Variants in DHX40 observed in about 807,000 individuals in gnomAD.
DHX40 encodes DEAH-box helicase 40.
Under a neutral mutation model 89.6 loss-of-function variants are expected in DHX40, and 28 were observed. The ratio of observed to expected loss-of-function variants is 0.31; its 90% CI spans 0.23 to 0.43. The LOEUF (loss-of-function observed/expected upper bound fraction) is 0.43, where lower values mean the gene tolerates loss of function less well. Ranked by LOEUF, DHX40 falls within the 20% of genes least tolerant of loss-of-function variation. The pLI is 1.00. For missense variants in DHX40, 457 were observed against 844.0 expected (o/e 0.54, Z 5.68); for synonymous variants, 226 against 283.6 (o/e 0.80, Z 2.04).
intron 14 of DHX40, among the ~76,000 whole-genome samples, chr17:59,600,368 T>C (rs1165401737): frequency 6.6e-6 from 1 of 152,146 alleles, no homozygotes; most frequent in Non-Finnish European, 1.5e-5. Context: ...TGCTTAACTT[T>C]GCAGTTTTTA....
intron 12 of DHX40, among the ~76,000 whole-genome samples, chr17:59,590,529 G>A (rs778641226): frequency 4.6e-5 from 7 of 151,314 alleles, no homozygotes; most frequent in Non-Finnish European, 8.8e-5. Context: ...ATGCAGTGGC[G>A]TGATCTTGGC....
At chr17:59,598,949 A>G (rs1413404633) in intron 13 of DHX40, 98 bp downstream of exon 13, 2 of 636,154 alleles carry the variant, frequency 3.1e-6, no homozygotes, top group East Asian at 2.8e-5. Flanking sequence ...TTCAGTGAAG[A>G]TGATATTGAC....
At chr17:59,590,461 A>AT in intron 12 of DHX40, among the ~76,000 whole-genome samples, 1 of 150,260 alleles carries the variant, frequency 6.7e-6, no homozygotes, top group South Asian at 2.1e-4. Context: ...TTTTTTTTTA[A>AT]TTTAAAAAAT....
Position 59,607,071 on chromosome 17 carries a change from AGAAAT to A in DHX40, c.2242_2246del (p.Asn748Ter). The A allele has an allele frequency of 6.2e-7, 1 of 1,614,152 alleles. No homozygotes were observed. The highest frequency in any genetic ancestry group is 1.1e-5 in the South Asian group (1 of 91,064). On this transcript the variant is annotated frameshift_variant, in exon 18 of 18. Transcript: ENST00000251241. LOFTEE classifies it high-confidence loss of function. Reference sequence around the variant, plus strand: ...AGACGTCTTAAAGAAAATGCAAAGAAGAAATGATGACAAATCCATATCTGATGCAC... The same window carrying A: ...AGACGTCTTAAAGAAAATGCAAAGAAGATGACAAATCCATATCTGATGCAC...
At chr17:59,602,483 A>T (rs376075330) in intron 14 of DHX40, 39 bp from the exon 15 acceptor site, 1 of 1,488,414 alleles carries the variant, frequency 6.7e-7, no homozygotes, top group South Asian at 1.2e-5. Flanking sequence ...TTCAAATTGT[A>T]CTATGAGATT....
intron 12 of DHX40, among the ~76,000 whole-genome samples, chr17:59,591,704 T>A (rs1387159467): frequency 6.6e-6 from 1 of 151,704 alleles, no homozygotes; most frequent in African/African-American, 2.4e-5. Flanking sequence ...TATTACTCTG[T>A]CTCCCTCTAT....
At chr17:59,581,026 G>A (rs1352468204) in intron 10 of DHX40, among the ~76,000 whole-genome samples, 4 of 150,336 alleles carry the variant, frequency 2.7e-5, no homozygotes, top group African/African-American at 7.5e-5. Context: ...AGACTGCAAC[G>A]TGCCAAGATC....
At chr17:59,592,530 T>A (rs1295417311) in intron 12 of DHX40, among the ~76,000 whole-genome samples, 2 of 150,446 alleles carry the variant, frequency 1.3e-5, no homozygotes, top group Admixed American at 1.3e-4. Flanking sequence ...AACACTTTTC[T>A]TATTTTTTTC....
chr17:59,572,713 A>G (rs1371384096), intron 3 of DHX40, among the ~76,000 whole-genome samples: 2 of 152,134 alleles, frequency 1.3e-5, no homozygotes, highest in African/African-American at 2.4e-5. Context: ...AAGAGGAGAG[A>G]GTGGGTGGAA....
rs1384985632 is a variant in DHX40, at chr17:59,592,145, AC to A, written c.1582+4093del. Among the ~76,000 whole-genome samples the A allele has an allele frequency of 6.6e-5, 10 of 151,804 alleles. No individual in the cohort carries two copies. In the South Asian group the frequency reaches 2.1e-3, roughly 32 times the overall value. On this transcript the variant is annotated intron_variant, in intron 12 of 17. Coordinates refer to ENST00000251241, the MANE Select transcript of DHX40 (RefSeq NM_024612.5). Reference sequence around the variant, plus strand: ...TTTGGTCTCCCAAAGTGCTGGGTTTACAGGTGTAAGCCACTATGCCCGGCCT... The same window carrying A: ...TTTGGTCTCCCAAAGTGCTGGGTTTAAGGTGTAAGCCACTATGCCCGGCCT...
intron 11 of DHX40, among the ~76,000 whole-genome samples, 156 bp downstream of exon 11, chr17:59,586,389 G>T (rs911811764): frequency 6.6e-6 from 1 of 152,014 alleles, no homozygotes; most frequent in East Asian, 1.9e-4. Flanking sequence ...CCAGCCGGGC[G>T]CTGTGGCTCA....
chr17:59,606,926 G>T lies in DHX40; in HGVS notation c.2201-107G>T, dbSNP rs974439692. 6.3e-4 allele frequency: 694 copies of T among 1,102,702 alleles called. 7 individuals are homozygous for T. The highest frequency in any genetic ancestry group is 2.3e-4 in the Middle Eastern group (1 of 4,260). 68.3% of individuals were successfully genotyped at this position (1,102,702 alleles called of 1,614,324 possible). On this transcript the variant is annotated intron_variant, in intron 17 of 17. Coordinates refer to ENST00000251241, the MANE Select transcript of DHX40 (RefSeq NM_024612.5). ...GCAAAATTTAATTTTTCTCTTTATT[G>T]TTTTTACTTTGTTAACACTGAAAAA... is the stretch of plus-strand genomic sequence containing the variant.
At chr17:59,590,711 C>A (rs1340161022) in intron 12 of DHX40, among the ~76,000 whole-genome samples, 3 of 151,738 alleles carry the variant, frequency 2.0e-5, no homozygotes, top group African/African-American at 4.8e-5. Flanking sequence ...CTCAAGTGAC[C>A]CACCAGCCTT....
intron 12 of DHX40, among the ~76,000 whole-genome samples, chr17:59,597,056 CAG>C (rs1365167168): frequency 1.6e-5 from 2 of 128,190 alleles, no homozygotes; most frequent in Non-Finnish European, 3.3e-5. Flanking sequence ...TTTGGGCAAT[CAG>C]AGAGCACATG....
At position 59,600,710 on chromosome 17, in the gene DHX40, G is replaced by A. The variant is rs537658041; in HGVS notation, c.1806+1227G>A. On this transcript the variant is annotated intron_variant, in intron 14 of 17. Coordinates refer to ENST00000251241, the MANE Select transcript of DHX40 (RefSeq NM_024612.5). ...AAAATTAAAATAATTAGCTTGTTGT[G>A]TTGGCACACACCTGTAGTGCTAGCT... 2.0e-5 allele frequency among the ~76,000 whole-genome samples: 3 copies of A among 152,112 alleles called. No individual in the cohort carries two copies. The Middle Eastern group carries it at 0.01, about 517-fold the overall frequency.
chr17:59,585,648 G>T (rs1326092776), intron 10 of DHX40, among the ~76,000 whole-genome samples: 1 of 150,176 alleles, frequency 6.7e-6, no homozygotes, highest in East Asian at 2.0e-4. Context: ...GCTTGAACCT[G>T]GGAGATGGAG....
At position 59,586,244 on chromosome 17, in the gene DHX40, A is replaced by G. The variant is rs1407399362; in HGVS notation, c.1424+11A>G. The G allele has an allele frequency of 5.2e-6, 8 of 1,529,748 alleles. 1 individual carries two copies. The highest frequency in any genetic ancestry group is 4.2e-5 in the Admixed American group (2 of 47,106). The allele number at this position is 1,529,748 out of a possible 1,614,324, so 94.8% of individuals were successfully genotyped here. A position where few individuals can be genotyped will look rare whatever the true frequency, so the allele number is the denominator to read the frequency against. ...TGATGCTATTGACAGGTAAAAAAAA[A>G]AAAAAAAAATCACAATCAAAACAGA... On this transcript the variant is annotated intron_variant, in intron 11 of 17. Coordinates refer to ENST00000251241, the MANE Select transcript of DHX40 (RefSeq NM_024612.5).
At chr17:59,606,772 T>G (rs1290447598) in intron 17 of DHX40, among the ~76,000 whole-genome samples, 1 of 149,372 alleles carries the variant, frequency 6.7e-6, no homozygotes, top group Non-Finnish European at 1.5e-5. Flanking sequence ...AGAAAAGAAA[T>G]CTTAGCCACT....
intron 12 of DHX40, among the ~76,000 whole-genome samples, chr17:59,594,801 G>C (rs1021407813): frequency 2.0e-5 from 3 of 151,858 alleles, no homozygotes; most frequent in African/African-American, 7.3e-5. Context: ...CTTTCAGGCT[G>C]CCTTGAAGGC....
Sources: gnomAD v4.1 joint callset for allele counts (sites outside exome capture counted in the v4.1 genomes callset) on GRCh38, gnomAD v4.1.1 for gene constraint, MANE v1.5 for transcripts, NCBI Gene and HGNC (gene_info 2026-07-23, HGNC 2026-07-21) for gene names.